DUOX1: variants seen among roughly 807,000 people sequenced by gnomAD.
DUOX1 encodes dual oxidase 1.
DUOX1 carries 134 observed loss-of-function variants against 181.8 expected under a neutral mutation model. The observed-to-expected ratio is 0.74, with a 90% CI of 0.64 to 0.85. The LOEUF (loss-of-function observed/expected upper bound fraction) is 0.85. Among genes scored for constraint, DUOX1 ranks in the 40% least tolerant of loss-of-function variants. DUOX1 has a pLI of 0.00. For synonymous variants in DUOX1, 798 were observed against 832.5 expected (o/e 0.96, Z 0.71); for missense variants, 1,814 against 2,064.4 (o/e 0.88, Z 2.35).
chr15:45,147,324 G>C, intron 18 of DUOX1, 109 bp from the exon 19 acceptor site: 1 of 1,413,826 alleles, frequency 7.1e-7, no homozygotes, highest in Non-Finnish European at 9.6e-7. Context: ...TCCTAGCAGA[G>C]GGGGTCCTGG....
chr15:45,139,819 G>T, intron 12 of DUOX1: 1 of 625,678 alleles, frequency 1.6e-6, no homozygotes, highest in South Asian at 2.1e-5. Context: ...TCCAGCAAGC[G>T]TGTATTAAGC....
chr15:45,135,023 AG>A, intron 4 of DUOX1, 80 bp from the exon 5 acceptor site: 10 of 1,530,690 alleles, frequency 6.5e-6, no homozygotes, highest in Non-Finnish European at 8.0e-6. Context: ...GCTTCAGGGG[AG>A]GGAAGGAAAC....
chr15:45,148,027 GGCCAGGGCAGGGAT>G, intron 20 of DUOX1, 30 bp downstream of exon 20: 1 of 1,583,878 alleles, frequency 6.3e-7, no homozygotes, highest in Non-Finnish European at 8.7e-7. Context: ...CAGGAGAATG[GGCCAGGGCAGGGAT>G]GCCAGGGCAA....
At chr15:45,132,630 G>T (rs946707187) in intron 2 of DUOX1, among the ~76,000 whole-genome samples, 3 of 152,204 alleles carry the variant, frequency 2.0e-5, no homozygotes, top group Admixed American at 1.3e-4. Flanking sequence ...TGCAAAAGCA[G>T]AAAGCAGAGA....
intron 8 of DUOX1, 31 bp downstream of exon 8, chr15:45,136,441 C>A: frequency 6.2e-7 from 1 of 1,612,770 alleles, no homozygotes; most frequent in Non-Finnish European, 8.5e-7. Context: ...GATGGGAGGG[C>A]TTGCGTGTGT....
intron 29 of DUOX1, 85 bp from the exon 30 acceptor site, chr15:45,161,653 C>T: frequency 8.2e-7 from 1 of 1,215,100 alleles, no homozygotes; most frequent in African/African-American, 1.5e-5. Flanking sequence ...AGAAGCAGAG[C>T]TGAGGCTGTG....
At chr15:45,161,691 G>A in intron 29 of DUOX1, 47 bp from the exon 30 acceptor site, 1 of 1,571,872 alleles carries the variant, frequency 6.4e-7, no homozygotes, top group Non-Finnish European at 8.7e-7. Flanking sequence ...AGGCCACATT[G>A]TTGCTGGGTT....
At position 45,131,954 on chromosome 15, in the gene DUOX1, T is replaced by C. The variant is rs974978531; in HGVS notation, c.-13T>C. The C allele has an allele frequency of 1.9e-6, 3 of 1,613,946 alleles. No individual in the cohort carries two copies. Among genetic ancestry groups the C allele is most frequent in the Non-Finnish European group, 2.5e-6 (3 of 1,179,962 alleles). On this transcript the variant is annotated 5_prime_UTR_variant, in exon 2 of 34. Coordinates refer to ENST00000389037, the MANE Select transcript of DUOX1 (RefSeq NM_175940.3). ...TGGGACATTCTAATCCCTGAGCCCCTATTATTTTCATCATGGGCTTCTGCC... is the reference window on the plus strand; with the variant it reads ...TGGGACATTCTAATCCCTGAGCCCCCATTATTTTCATCATGGGCTTCTGCC...
At chr15:45,161,442 G>GAAA (rs1567021695) in intron 29 of DUOX1, among the ~76,000 whole-genome samples, 15 of 93,484 alleles carry the variant, frequency 1.6e-4, no homozygotes, top group African/African-American at 5.3e-4. Flanking sequence ...AAAAAAAAAG[G>GAAA]AAGGAGGGAG....
At chr15:45,139,696 C>T (rs561819450) in intron 12 of DUOX1, 97 bp downstream of exon 12, 27 of 1,341,448 alleles carry the variant, frequency 2.0e-5, no homozygotes, top group Non-Finnish European at 2.7e-5. Flanking sequence ...GCACAAGAGA[C>T]AAGCACCTAA....
At position 45,135,949 on chromosome 15, in the gene DUOX1, G is replaced by C; in HGVS notation, c.864+1G>C. 1 of 1,417,872 alleles carries C rather than the reference G, an allele frequency of 7.1e-7. No homozygotes were observed. The highest frequency in any genetic ancestry group is 9.5e-7 in the Non-Finnish European group (1 of 1,049,338). The allele number at this position is 1,417,872 out of a possible 1,614,324, so 87.8% of individuals were successfully genotyped here. A position where few individuals can be genotyped will look rare whatever the true frequency, so the allele number is the denominator to read the frequency against. On this transcript the variant is annotated splice_donor_variant, in intron 7 of 33. Coordinates refer to ENST00000389037, the MANE Select transcript of DUOX1 (RefSeq NM_175940.3). LOFTEE classifies it high-confidence loss of function. The stretch of plus-strand genomic sequence containing the variant: ...CAAGAGGGTCATCGCCACCTACCAG[G>C]TCAGCCGTCCGCGCCCCGCGACGTC...
Position 45,164,850 on chromosome 15 carries a change from C to G in DUOX1, c.4605C>G (p.Leu1535=). ...AGAATGTGGAAAAGGCCTGTCAGCT[C>G]ATCAACAGGCAGGACCGGACTCACT... ...MTKNVEKACQ[L]INRQDRTHFS... is the part of the protein sequence containing the mutation. Residue 1535 remains leucine, a synonymous_variant, in exon 34 of 34, where the codon CTC becomes CTG. Transcript: ENST00000389037. 6.8e-6 allele frequency: 11 copies of G among 1,613,930 alleles called. No homozygotes were observed. The highest frequency in any genetic ancestry group is 9.3e-6 in the Non-Finnish European group (11 of 1,179,804).
At chr15:45,130,352 C>T (rs1405045824) in intron 1 of DUOX1, among the ~76,000 whole-genome samples, 1 of 152,208 alleles carries the variant, frequency 6.6e-6, no homozygotes. Flanking sequence ...TTGCCTGGGC[C>T]TGCGGGTTCT....
At position 45,163,797 on chromosome 15, in the gene DUOX1, G is replaced by C; in HGVS notation, c.4412G>C (p.Cys1471Ser). Residue 1471 changes from cysteine (C) to serine (S), a missense_variant, in exon 33 of 34, where the codon TGT becomes TCT. Physicochemically the swap from Cys to Ser is moderately radical, Grantham distance 112. Coordinates refer to ENST00000389037, the MANE Select transcript of DUOX1 (RefSeq NM_175940.3). Reference sequence around the variant, plus strand: ...CACCCTTCCCTACCATAGTACATCTGTGAGCGGCACTTCCAGAAGGTTCTG... The same window carrying C: ...CACCCTTCCCTACCATAGTACATCTCTGAGCGGCACTTCCAGAAGGTTCTG... ...FDLRTTMLYI[C>S]ERHFQKVLNR... is the part of the protein sequence containing the mutation. 6.2e-7 allele frequency: 1 copy of C among 1,614,084 alleles called. No individual in the cohort carries two copies. The highest frequency in any genetic ancestry group is 1.3e-5 in the African/African-American group (1 of 74,998).
chr15:45,157,009 T>C (rs1896984191), intron 28 of DUOX1, among the ~76,000 whole-genome samples: 1 of 152,194 alleles, frequency 6.6e-6, no homozygotes, highest in African/African-American at 2.4e-5. Flanking sequence ...AGCTGTTCCC[T>C]GCAGCAGAAC....
At position 45,141,067 on chromosome 15, in the gene DUOX1, A is replaced by G. The variant is rs1896477966; in HGVS notation, c.1562A>G (p.Asn521Ser). ...GDRYWFENTRNGLFSKKEIEE... is the reference protein window; with the variant it reads ...GDRYWFENTRSGLFSKKEIEE... ...CGCTACTGGTTTGAGAACACCAGGAATGGGTAAGGCGTGCTGGGCCTCCGC... is the reference window on the plus strand; with the variant it reads ...CGCTACTGGTTTGAGAACACCAGGAGTGGGTAAGGCGTGCTGGGCCTCCGC... The change falls in exon 13 of 34, where the codon AAT becomes AGT. Residue 521 changes from asparagine (N) to serine (S), a missense_variant. Physicochemically the swap from Asn to Ser is conservative, Grantham distance 46 (BLOSUM62 1). Transcript: ENST00000389037. 1 of 1,614,220 alleles carries G rather than the reference A, an allele frequency of 6.2e-7. No individual in the cohort carries two copies. Among genetic ancestry groups the G allele is most frequent in the Non-Finnish European group, 8.5e-7 (1 of 1,180,030 alleles).
chr15:45,152,948 C>T (rs563730545), intron 25 of DUOX1: 11 of 312,772 alleles, frequency 3.5e-5, no homozygotes, highest in African/African-American at 2.4e-4. Flanking sequence ...CAGGCCGGCG[C>T]GGCGGCTTAT....
Position 45,163,810 on chromosome 15 carries a change from C to G in DUOX1, c.4425C>G (p.Phe1475Leu). The change falls in exon 33 of 34, where the codon TTC becomes TTG. Residue 1475 changes from phenylalanine to leucine, a missense_variant. Physicochemically the swap from Phe to Leu is conservative, Grantham distance 22 (BLOSUM62 0). Transcript: ENST00000389037. Reference protein sequence around the residue: ...TTMLYICERHFQKVLNRSLFT... With the variant: ...TTMLYICERHLQKVLNRSLFT... ...CATAGTACATCTGTGAGCGGCACTT[C>G]CAGAAGGTTCTGAACCGGAGTCTAT... is the stretch of plus-strand genomic sequence containing the variant. The G allele has an allele frequency of 6.2e-7, 1 of 1,614,118 alleles. No homozygotes were observed. Among genetic ancestry groups the G allele is most frequent in the Non-Finnish European group, 8.5e-7 (1 of 1,180,026 alleles).
chr15:45,165,188 G>C lies in DUOX1; in HGVS notation c.*287G>C. On this transcript the variant is annotated 3_prime_UTR_variant, in exon 34 of 34. Coordinates refer to ENST00000389037, the MANE Select transcript of DUOX1 (RefSeq NM_175940.3). ...GTGAAACCTCTGCTTCCAGACTTCA[G>C]AAACAAATCTCAGAAGACAAGCTGA... The C allele has an allele frequency of 2.0e-6, 1 of 496,978 alleles. No homozygotes were observed. Among genetic ancestry groups the C allele is most frequent in the Non-Finnish European group, 3.6e-6 (1 of 276,096 alleles). 30.8% of individuals were successfully genotyped at this position (496,978 alleles called of 1,614,324 possible). A position where few individuals can be genotyped will look rare whatever the true frequency, so the allele number is the denominator to read the frequency against.
Sources: gnomAD v4.1 joint callset for allele counts (sites outside exome capture counted in the v4.1 genomes callset) on GRCh38, gnomAD v4.1.1 for gene constraint, MANE v1.5 for transcripts, NCBI Gene and HGNC (gene_info 2026-07-23, HGNC 2026-07-21) for gene names.